CNKSR3: variants seen among roughly 807,000 people sequenced by gnomAD.
CNKSR3 encodes the protein connector enhancer of kinase suppressor of ras 3.
A neutral mutation model predicts 67.7 loss-of-function variants in CNKSR3; 36 were observed. The observed-to-expected ratio is 0.53, with a 90% CI of 0.41 to 0.70. The LOEUF is 0.70. CNKSR3 is among the 30% of genes least tolerant of loss of function. CNKSR3 has a pLI of 0.00. For missense variants in CNKSR3, 630 were observed against 695.2 expected, an observed-to-expected ratio of 0.91 and a Z score of 1.05; for synonymous variants, 281 against 271.4, an observed-to-expected ratio of 1.04 and a Z score of -0.35.
intron 9 of CNKSR3, among the ~76,000 whole-genome samples, chr6:154,422,147 C>A (rs922426576): frequency 6.6e-6 from 1 of 152,128 alleles, no homozygotes; most frequent in African/African-American, 2.4e-5. Context: ...CGCGCACCAC[C>A]ATGCCTGGCT....
chr6:154,465,533 G>A (rs147413099), intron 1 of CNKSR3, among the ~76,000 whole-genome samples: 6 of 152,210 alleles, frequency 3.9e-5, no homozygotes, highest in Admixed American at 3.9e-4. Context: ...CCAGAGGGAG[G>A]TGACTTGCTC....
chr6:154,410,834 T>C, intron 11 of CNKSR3, 100 bp downstream of exon 11: 2 of 901,412 alleles, frequency 2.2e-6, no homozygotes, highest in East Asian at 2.4e-5. Flanking sequence ...CAGATTACTC[T>C]TGAAGTCTGC....
chr6:154,456,620 T>A (rs1221692819), intron 1 of CNKSR3, among the ~76,000 whole-genome samples: 2 of 137,178 alleles, frequency 1.5e-5, no homozygotes, highest in African/African-American at 2.8e-5. Context: ...GGCAGGAGAA[T>A]CAGTTGAACC....
At chr6:154,430,214 T>C (rs1785336082) in intron 6 of CNKSR3, among the ~76,000 whole-genome samples, 2 of 152,232 alleles carry the variant, frequency 1.3e-5, no homozygotes, top group Non-Finnish European at 2.9e-5. Flanking sequence ...TTTCCTTGCA[T>C]TGCTAAGTCC....
At chr6:154,458,669 C>A (rs1360594311) in intron 1 of CNKSR3, among the ~76,000 whole-genome samples, 6 of 152,162 alleles carry the variant, frequency 3.9e-5, no homozygotes, top group African/African-American at 1.4e-4. Flanking sequence ...AGCCCAATTT[C>A]TCCTCCTGGC....
At chr6:154,448,377 G>T (rs1470464683) in intron 2 of CNKSR3, among the ~76,000 whole-genome samples, 1 of 138,124 alleles carries the variant, frequency 7.2e-6, no homozygotes. Context: ...AAGCAGAAAA[G>T]ACGGAAAAGC....
intron 1 of CNKSR3, among the ~76,000 whole-genome samples, chr6:154,473,343 C>T (rs1212460735): frequency 1.3e-5 from 2 of 152,124 alleles, no homozygotes; most frequent in Admixed American, 6.5e-5. Flanking sequence ...AGCATTGACT[C>T]GCAAAATTTG....
In CNKSR3 at chr6:154,403,530, C is replaced by T. The variant is rs1405076563; in HGVS notation, c.*2824G>A. 6.6e-6 allele frequency: 1 copy of T among 152,024 alleles called. No homozygotes were observed. The highest frequency in any genetic ancestry group is 1.5e-5 in the Non-Finnish European group (1 of 68,014). 9.4% of individuals were successfully genotyped at this position (152,024 alleles called of 1,614,324 possible). A position where few individuals can be genotyped will look rare whatever the true frequency, so the allele number is the denominator to read the frequency against. ...AAACCTGGATTACTACTGAGGCAAG[C>T]AGTTTCCATTAATTTCTAAGAAATC... On this transcript the variant is annotated 3_prime_UTR_variant, in exon 13 of 13. Coordinates refer to ENST00000607772, the MANE Select transcript of CNKSR3 (RefSeq NM_173515.4).
At chr6:154,480,412 C>T (rs551799814) in intron 1 of CNKSR3, among the ~76,000 whole-genome samples, 18 of 152,256 alleles carry the variant, frequency 1.2e-4, no homozygotes, top group Middle Eastern at 6.8e-3. Context: ...CTCTGCTTTC[C>T]CCCTACAGCA....
chr6:154,510,428 G>T lies in CNKSR3; in HGVS notation c.-314C>A. 1 of 435,740 alleles carries T rather than the reference G, an allele frequency of 2.3e-6. No individual in the cohort carries two copies. The highest frequency in any genetic ancestry group is 4.1e-6 in the Non-Finnish European group (1 of 245,018). The allele number at this position is 435,740 out of a possible 1,614,324, so 27.0% of individuals were successfully genotyped here. On this transcript the variant is annotated 5_prime_UTR_variant, in exon 1 of 13. Coordinates refer to ENST00000607772, the MANE Select transcript of CNKSR3 (RefSeq NM_173515.4). ...CGCCGGGCTGCGACCCCAGACCCCT[G>T]GCCTCGGCTCGGCACGGGAGCCTCC...
chr6:154,421,154 C>G (rs1288967739), intron 9 of CNKSR3, among the ~76,000 whole-genome samples: 1 of 152,190 alleles, frequency 6.6e-6, no homozygotes, highest in African/African-American at 2.4e-5. Context: ...GCTGGGATTA[C>G]AGGCACAGGC....
In CNKSR3 at chr6:154,393,380, G is replaced by T. The variant is rs1784627994; in HGVS notation, c.*12974C>A. On this transcript the variant is annotated 3_prime_UTR_variant, in exon 13 of 13. Coordinates refer to ENST00000607772, the MANE Select transcript of CNKSR3 (RefSeq NM_173515.4). ...TTTTCTAATCATTTCAGTTTTGCCA[G>T]TCAGGTAGAGAGCAGCATCTCCCTG... 6.6e-6 allele frequency: 1 copy of T among 152,204 alleles called. No individual in the cohort carries two copies. The highest frequency in any genetic ancestry group is 1.5e-5 in the Non-Finnish European group (1 of 68,040). 9.4% of individuals were successfully genotyped at this position (152,204 alleles called of 1,614,324 possible).
chr6:154,418,955 CAAA>C (rs760812411), intron 9 of CNKSR3, among the ~76,000 whole-genome samples: 3,815 of 87,202 alleles, frequency 0.044, 86 homozygotes, highest in Non-Finnish European at 0.073. Context: ...AACTCAACAG[CAAA>C]AAAAAAAAAA....
chr6:154,443,323 G>A (rs1785641764), intron 2 of CNKSR3, among the ~76,000 whole-genome samples: 1 of 152,114 alleles, frequency 6.6e-6, no homozygotes, highest in Non-Finnish European at 1.5e-5. Flanking sequence ...GCCAGATAAC[G>A]CTTGTGGGGT....
intron 4 of CNKSR3, among the ~76,000 whole-genome samples, chr6:154,436,472 T>C (rs1785474476): frequency 6.6e-6 from 1 of 152,220 alleles, no homozygotes; most frequent in Admixed American, 6.5e-5. Flanking sequence ...GCTTGTTTTC[T>C]TTCCATTCAG....
intron 1 of CNKSR3, among the ~76,000 whole-genome samples, chr6:154,491,353 CGGTA>C (rs1562356543): frequency 6.6e-6 from 1 of 152,172 alleles, no homozygotes; most frequent in Non-Finnish European, 1.5e-5. Flanking sequence ...ACTTGACAAA[CGGTA>C]GGTACTCAAT....
chr6:154,422,770 C>T, intron 8 of CNKSR3, 118 bp from the exon 9 acceptor site: 1 of 1,210,026 alleles, frequency 8.3e-7, no homozygotes, highest in Non-Finnish European at 1.2e-6. Flanking sequence ...ACAAAATAGG[C>T]AGGCGTAAGT....
intron 10 of CNKSR3, among the ~76,000 whole-genome samples, chr6:154,412,070 T>C (rs2128711507): frequency 6.6e-6 from 1 of 152,310 alleles, no homozygotes; most frequent in Non-Finnish European, 1.5e-5. Context: ...ACTTGGTAAA[T>C]TCCATTAGGC....
In CNKSR3 at chr6:154,399,485, T is replaced by TAACCTGC. The variant is rs1237103564; in HGVS notation, c.*6868_*6869insGCAGGTT. ...GATAACTGAGGAGTGGAGAGGTCAGTCACCTGCTTCAAGTCACAGATCCCA... is the reference window on the plus strand; with the variant it reads ...GATAACTGAGGAGTGGAGAGGTCAGTAACCTGCCACCTGCTTCAAGTCACAGATCCCA... On this transcript the variant is annotated 3_prime_UTR_variant, in exon 13 of 13. Transcript: ENST00000607772. 6.6e-6 allele frequency: 1 copy of TAACCTGC among 152,118 alleles called. No homozygotes were observed. Among genetic ancestry groups the TAACCTGC allele is most frequent in the East Asian group, 1.9e-4 (1 of 5,182 alleles). The allele number at this position is 152,118 out of a possible 1,614,324, so 9.4% of individuals were successfully genotyped here.
Sources: gnomAD v4.1 joint callset for allele counts (sites outside exome capture counted in the v4.1 genomes callset) on GRCh38, gnomAD v4.1.1 for gene constraint, MANE v1.5 for transcripts, NCBI Gene and HGNC (gene_info 2026-07-23, HGNC 2026-07-21) for gene names.